Variants in ZBTB7C observed in about 807,000 individuals in gnomAD.
ZBTB7C encodes the protein zinc finger and BTB domain containing 7C, also known as zinc finger and BTB domain-containing protein 7C.
ZBTB7C carries 8 observed loss-of-function variants against 25.7 expected under a neutral mutation model. The observed-to-expected ratio is 0.31, with a 90% CI of 0.18 to 0.56. ZBTB7C has a LOEUF of 0.56. ZBTB7C is among the 20% of genes least tolerant of loss of function. ZBTB7C has a pLI of 0.91. For missense variants in ZBTB7C, 824 were observed against 855.2 expected (o/e 0.96, Z 0.46); for synonymous variants, 394 against 369.0 (o/e 1.07, Z -0.78).
chr18:48,131,995 T>C (rs2040000301), intron 3 of ZBTB7C, among the ~76,000 whole-genome samples: 1 of 152,098 alleles, frequency 6.6e-6, no homozygotes, highest in African/African-American at 2.4e-5. Context: ...TCCCAAAGGG[T>C]AACTATCAAG....
chr18:48,178,303 G>A (rs1270154863), intron 3 of ZBTB7C, among the ~76,000 whole-genome samples: 1 of 128,856 alleles, frequency 7.8e-6, no homozygotes, highest in African/African-American at 2.8e-5. Flanking sequence ...TGCTCAGGGA[G>A]GGCATCTCAG....
At chr18:48,290,705 G>A (rs1343605206) in intron 2 of ZBTB7C, among the ~76,000 whole-genome samples, 3 of 152,156 alleles carry the variant, frequency 2.0e-5, no homozygotes, top group Non-Finnish European at 2.9e-5. Context: ...TCCTCTTCCT[G>A]GCAAGGCCTC....
At chr18:48,210,156 G>C (rs1336923182) in intron 2 of ZBTB7C, among the ~76,000 whole-genome samples, 1 of 152,146 alleles carries the variant, frequency 6.6e-6, no homozygotes, top group Admixed American at 6.5e-5. Flanking sequence ...GAATCAAAAA[G>C]TCAGCTAAGA....
rs34753129 is a variant in ZBTB7C, at chr18:48,367,371, T to TATATATAA, written c.-303-28974_-303-28973insTTATATAT. The stretch of plus-strand genomic sequence containing the variant: ...GCATATATATATATATATATATATA[T>TATATATAA]AAAATACAAACAGAAGACTCTAAAA... On this transcript the variant is annotated intron_variant, in intron 1 of 4. Coordinates refer to ENST00000590800, the MANE Select transcript of ZBTB7C (RefSeq NM_001318841.2). Among the ~76,000 whole-genome samples the TATATATAA allele has an allele frequency of 4.4e-3, 497 of 113,390 alleles. 6 individuals are homozygous for TATATATAA. Among genetic ancestry groups the TATATATAA allele is most frequent in the East Asian group, 0.02 (88 of 4,364 alleles). The allele number at this position is 113,390 out of a possible 152,430, so 74.4% of individuals were successfully genotyped here. A position where few individuals can be genotyped will look rare whatever the true frequency, so the allele number is the denominator to read the frequency against.
At chr18:48,338,142 C>T (rs1194332784) in intron 2 of ZBTB7C, 32 bp downstream of exon 2, 3 of 152,192 alleles carry the variant, frequency 2.0e-5, no homozygotes, top group Non-Finnish European at 4.4e-5. Context: ...CCATATCATT[C>T]ATAAAGGATA....
chr18:48,155,362 C>T (rs2040809062), intron 3 of ZBTB7C, among the ~76,000 whole-genome samples: 3 of 113,322 alleles, frequency 2.6e-5, no homozygotes, highest in African/African-American at 1.0e-4. Flanking sequence ...GAGTCTCACT[C>T]TATCGCCCAG....
intron 1 of ZBTB7C, among the ~76,000 whole-genome samples, chr18:48,360,174 C>T (rs1029389506): frequency 6.6e-6 from 1 of 152,230 alleles, no homozygotes; most frequent in African/African-American, 2.4e-5. Flanking sequence ...TGGAATACTA[C>T]AACAATATGA....
At chr18:48,355,263 G>A (rs2046951557) in intron 1 of ZBTB7C, among the ~76,000 whole-genome samples, 1 of 152,184 alleles carries the variant, frequency 6.6e-6, no homozygotes, top group Non-Finnish European at 1.5e-5. Flanking sequence ...AGTGAGGCTG[G>A]AGGGCAGTAA....
At chr18:48,233,043 G>C (rs1375610778) in intron 2 of ZBTB7C, among the ~76,000 whole-genome samples, 1 of 152,168 alleles carries the variant, frequency 6.6e-6, no homozygotes, top group Non-Finnish European at 1.5e-5. Context: ...GGAGAGGCAT[G>C]TCATGGCTTG....
chr18:48,407,346 G>C (rs968686015), intron 1 of ZBTB7C, among the ~76,000 whole-genome samples: 3 of 152,244 alleles, frequency 2.0e-5, no homozygotes, highest in Admixed American at 6.5e-5. Flanking sequence ...AGGAATTTGG[G>C]ATAATGAGGG....
intron 2 of ZBTB7C, among the ~76,000 whole-genome samples, chr18:48,217,909 C>T (rs771138434): frequency 6.6e-6 from 1 of 152,086 alleles, no homozygotes; most frequent in Non-Finnish European, 1.5e-5. Context: ...CACAACATCA[C>T]CGTCCCAGGG....
intron 2 of ZBTB7C, among the ~76,000 whole-genome samples, chr18:48,258,981 G>T (rs1236964893): frequency 6.6e-6 from 1 of 151,852 alleles, no homozygotes; most frequent in African/African-American, 2.4e-5. Context: ...ACTGAGTCTT[G>T]CTCTGTTGCC....
intron 3 of ZBTB7C, among the ~76,000 whole-genome samples, chr18:48,140,686 C>G (rs8098626): frequency 0.7 from 106,909 of 151,978 alleles, 37,985 homozygotes; most frequent in African/African-American, 0.79. Flanking sequence ...TTGGCCTTTG[C>G]TAGAGTGCTG....
chr18:48,231,261 T>C (rs1599151227), intron 2 of ZBTB7C, among the ~76,000 whole-genome samples: 3 of 152,264 alleles, frequency 2.0e-5, no homozygotes, highest in African/African-American at 2.4e-5. Context: ...TGAGAACTTA[T>C]GGTGCTTTTT....
chr18:48,258,348 T>G (rs1744894876), intron 2 of ZBTB7C, among the ~76,000 whole-genome samples: 1 of 152,162 alleles, frequency 6.6e-6, no homozygotes, highest in South Asian at 2.1e-4. Flanking sequence ...AAAAAGCTAC[T>G]AGAACTAGTA....
intron 2 of ZBTB7C, among the ~76,000 whole-genome samples, chr18:48,246,973 T>C (rs1410531629): frequency 1.3e-5 from 2 of 152,154 alleles, no homozygotes; most frequent in African/African-American, 4.8e-5. Context: ...ACACTAAAAT[T>C]ATACCATGAC....
At chr18:48,269,661 T>G (rs186754688) in intron 2 of ZBTB7C, among the ~76,000 whole-genome samples, 1 of 152,310 alleles carries the variant, frequency 6.6e-6, no homozygotes. Context: ...TATGTTAACC[T>G]CTCAAATTAC....
chr18:48,085,967 G>A (rs1442989936), intron 3 of ZBTB7C, among the ~76,000 whole-genome samples: 1 of 152,178 alleles, frequency 6.6e-6, no homozygotes, highest in Non-Finnish European at 1.5e-5. Context: ...GCTGGGCAGC[G>A]GAGCCACCTC....
intron 2 of ZBTB7C, among the ~76,000 whole-genome samples, chr18:48,300,968 G>GAC (rs1251944624): frequency 6.6e-6 from 1 of 152,228 alleles, no homozygotes; most frequent in Non-Finnish European, 1.5e-5. Flanking sequence ...GAAAGTAAAA[G>GAC]ACACTGCCTA....
Sources: allele counts gnomAD v4.1 joint callset (sites outside exome capture counted in the v4.1 genomes callset), GRCh38; gene constraint gnomAD v4.1.1; transcripts MANE v1.5; gene names NCBI Gene and HGNC (gene_info 2026-07-23, HGNC 2026-07-21).